The following ASTN2 variants were observed in gnomAD, a reference collection of about 807,000 sequenced individuals.
ASTN2 encodes astrotactin-2.
Under a neutral mutation model 139.8 loss-of-function variants are expected in ASTN2, and 54 were observed. The ratio of observed to expected loss-of-function variants is 0.39; its 90% CI spans 0.31 to 0.48. ASTN2 has a LOEUF of 0.48. Ranked by LOEUF, ASTN2 falls within the 20% of genes least tolerant of loss-of-function variation. The pLI is 0.95. For synonymous variants in ASTN2, 756 were observed against 719.5 expected (o/e 1.05, Z -0.81); for missense variants, 1,565 against 1,725.1 (o/e 0.91, Z 1.64).
intron 3 of ASTN2, among the ~76,000 whole-genome samples, chr9:117,196,733 A>G (rs1831516123): frequency 6.6e-6 from 1 of 152,234 alleles, no homozygotes; most frequent in African/African-American, 2.4e-5. Context: ...AAAGGAAGGC[A>G]TTTGGACCAA....
At chr9:117,292,725 C>T (rs778222912) in intron 1 of ASTN2, among the ~76,000 whole-genome samples, 5 of 152,066 alleles carry the variant, frequency 3.3e-5, no homozygotes, top group East Asian at 1.9e-4. Context: ...CACACACACA[C>T]GAGGAGAGCT....
At chr9:117,021,920 T>C (rs944921699) in intron 6 of ASTN2, among the ~76,000 whole-genome samples, 1 of 152,210 alleles carries the variant, frequency 6.6e-6, no homozygotes, top group Admixed American at 6.5e-5. Context: ...TATTTGATAG[T>C]TCTACTGTGA....
rs141773880 is a variant in ASTN2 at position 117,060,130 on chromosome 9, G to T, written c.1277-20165C>A. 4.7e-3 allele frequency among the ~76,000 whole-genome samples: 711 copies of T among 151,844 alleles called. 6 individuals carry two copies. Among genetic ancestry groups the T allele is most frequent in the African/African-American group, 0.017 (686 of 41,342 alleles). On this transcript the variant is annotated intron_variant, in intron 5 of 22. Transcript: ENST00000313400. The stretch of plus-strand genomic sequence containing the variant: ...GTTTGAGACCAGCCTGGCTAACATG[G>T]TGAAACCCCATCTCTACTAAAAATA...
At chr9:117,022,904 C>G (rs1837930287) in intron 6 of ASTN2, among the ~76,000 whole-genome samples, 1 of 152,138 alleles carries the variant, frequency 6.6e-6, no homozygotes. Flanking sequence ...GTCCCGGGTT[C>G]TCAGGGTAGC....
intron 4 of ASTN2, among the ~76,000 whole-genome samples, chr9:117,137,135 C>A (rs1217281247): frequency 1.3e-5 from 2 of 152,188 alleles, no homozygotes; most frequent in African/African-American, 4.8e-5. Context: ...AAAACCCCAG[C>A]ACTAACATGA....
At chr9:116,858,375 AT>A (rs2132332971) in intron 11 of ASTN2, among the ~76,000 whole-genome samples, 1 of 152,324 alleles carries the variant, frequency 6.6e-6, no homozygotes, top group East Asian at 1.9e-4. Flanking sequence ...TGTTGGGTTA[AT>A]CAAAAGGCTT....
intron 4 of ASTN2, among the ~76,000 whole-genome samples, chr9:117,134,285 TATATATATATACACACACAC>T (rs1417196996): frequency 1.2e-3 from 94 of 76,034 alleles, no homozygotes; most frequent in African/African-American, 3.9e-3. Context: ...TATATATATA[TATATATATATACACACACAC>T]ACACACACAC....
Position 117,320,743 on chromosome 9 carries a change from A to T in ASTN2, c.443-29230T>A, listed in dbSNP as rs1828300291. ...TAATTGCCTCTCTCATAGCCCTTTG[A>T]TTTCCTTACCTACAGTCAGGTGATC... On this transcript the variant is annotated intron_variant, in intron 1 of 22. Transcript: ENST00000313400. 1.3e-5 allele frequency among the ~76,000 whole-genome samples: 2 copies of T among 151,992 alleles called. 1 individual carries two copies. Among genetic ancestry groups the T allele is most frequent in the South Asian group, 4.2e-4 (2 of 4,816 alleles).
rs1847267160 is a variant in ASTN2, at chr9:116,425,007, A to G, written c.*844T>C. Among the ~76,000 whole-genome samples, 1 of 152,114 alleles carries G rather than the reference A, an allele frequency of 6.6e-6. No homozygotes were observed. Among genetic ancestry groups the G allele is most frequent in the Non-Finnish European group, 1.5e-5 (1 of 68,020 alleles). The stretch of plus-strand genomic sequence containing the variant: ...CCTCCAGTGTGTCTCATGCTCTAAC[A>G]GTGAGTGCAAAGAACCTCCATTCTT... On this transcript the variant is annotated 3_prime_UTR_variant, in exon 23 of 23. Coordinates refer to ENST00000313400, the MANE Select transcript of ASTN2 (RefSeq NM_001365068.1).
chr9:116,896,515 C>T (rs2132396922), intron 10 of ASTN2, among the ~76,000 whole-genome samples: 1 of 152,188 alleles, frequency 6.6e-6, no homozygotes, highest in South Asian at 2.1e-4. Context: ...GACAGGGTTT[C>T]ACCATGTTGG....
At chr9:116,464,996 G>A (rs1286955053) in intron 20 of ASTN2, among the ~76,000 whole-genome samples, 9 of 152,204 alleles carry the variant, frequency 5.9e-5, no homozygotes, top group Non-Finnish European at 1.3e-4. Context: ...GTCTTTCCCT[G>A]TAGTCGTTAT....
intron 3 of ASTN2, among the ~76,000 whole-genome samples, chr9:117,165,812 C>A (rs1033624590): frequency 6.6e-6 from 1 of 152,042 alleles, no homozygotes. Context: ...TACCACCTCC[C>A]TATAAAATTG....
At chr9:117,135,845 A>G (rs1829938241) in intron 4 of ASTN2, among the ~76,000 whole-genome samples, 1 of 152,100 alleles carries the variant, frequency 6.6e-6, no homozygotes, top group Non-Finnish European at 1.5e-5. Context: ...GAAGAATATG[A>G]TCAGCACTCG....
chr9:117,347,029 G>A (rs1187285489), intron 1 of ASTN2, among the ~76,000 whole-genome samples: 1 of 152,084 alleles, frequency 6.6e-6, no homozygotes, highest in Non-Finnish European at 1.5e-5. Flanking sequence ...AGGCTAAAGG[G>A]CATCCTGCTG....
intron 4 of ASTN2, among the ~76,000 whole-genome samples, chr9:117,106,554 T>C (rs552508466): frequency 3.3e-5 from 5 of 152,316 alleles, no homozygotes; most frequent in Non-Finnish European, 5.9e-5. Context: ...TTAAAAATTA[T>C]AATTTTTGAA....
chr9:117,140,696 G>T (rs1173809547), intron 4 of ASTN2, among the ~76,000 whole-genome samples: 2 of 151,848 alleles, frequency 1.3e-5, no homozygotes, highest in Non-Finnish European at 2.9e-5. Context: ...AGAAGGAGAA[G>T]AAGCAGCAGC....
intron 16 of ASTN2, among the ~76,000 whole-genome samples, chr9:116,674,119 G>T (rs184629189): frequency 6.6e-6 from 1 of 152,302 alleles, no homozygotes; most frequent in Admixed American, 6.5e-5. Flanking sequence ...TAGAAATTAT[G>T]GTTTAGGAGT....
At chr9:116,766,350 C>T (rs1829806978) in intron 13 of ASTN2, among the ~76,000 whole-genome samples, 1 of 151,990 alleles carries the variant, frequency 6.6e-6, no homozygotes, top group East Asian at 1.9e-4. Context: ...CATTCACACT[C>T]ATGCACACAT....
intron 5 of ASTN2, among the ~76,000 whole-genome samples, chr9:117,062,489 G>C (rs549782303): frequency 1.3e-5 from 2 of 152,310 alleles, no homozygotes; most frequent in Non-Finnish European, 1.5e-5. Flanking sequence ...GAATCTCTGG[G>C]AGTGGGGTTT....
Sources: gnomAD v4.1 joint callset for allele counts (sites outside exome capture counted in the v4.1 genomes callset) on GRCh38, gnomAD v4.1.1 for gene constraint, MANE v1.5 for transcripts, NCBI Gene and HGNC (gene_info 2026-07-23, HGNC 2026-07-21) for gene names.